Variants in DESI2 observed in about 807,000 individuals in gnomAD.
The protein encoded by DESI2 is deubiquitinase DESI2.
In DESI2, 10 loss-of-function variants were observed where a neutral mutation model predicts 24.1. That is an observed-to-expected ratio of 0.41 (90% CI 0.26 to 0.70). DESI2 has a LOEUF of 0.70. DESI2 is among the 30% of genes least tolerant of loss of function. The probability of loss-of-function intolerance (pLI) is 0.29; values close to 1 mark genes in which losing one functional copy is unlikely to be tolerated. For missense variants in DESI2, 122 were observed against 234.9 expected, an observed-to-expected ratio of 0.52 and a Z score of 3.14; for synonymous variants, 71 against 87.7, an observed-to-expected ratio of 0.81 and a Z score of 1.06.
chr1:244,699,982 G>A (rs921082560), intron 4 of DESI2, among the ~76,000 whole-genome samples: 5 of 152,170 alleles, frequency 3.3e-5, no homozygotes, highest in African/African-American at 7.2e-5. Context: ...ATCCACAGTC[G>A]TGAGGCTGAT....
chr1:244,659,734 C>T (rs1225486325), intron 1 of DESI2, among the ~76,000 whole-genome samples: 1 of 152,184 alleles, frequency 6.6e-6, no homozygotes, highest in Non-Finnish European at 1.5e-5. Context: ...ATTTCAATGA[C>T]ATCTGCAAAG....
chr1:244,701,521 G>T (rs61844166), intron 4 of DESI2, among the ~76,000 whole-genome samples: 1 of 152,144 alleles, frequency 6.6e-6, no homozygotes, highest in Non-Finnish European at 1.5e-5. Context: ...CGGAGAAAAA[G>T]GATGATTCAG....
At chr1:244,686,484 A>C (rs1676828569) in intron 1 of DESI2, 113 bp from the exon 2 acceptor site, 2 of 699,534 alleles carry the variant, frequency 2.9e-6, no homozygotes, top group South Asian at 3.3e-5. Flanking sequence ...GGACCACTGG[A>C]TCGTTATCAT....
rs1264937150 is a variant in DESI2, at chr1:244,688,502, G to A, written c.116-747G>A. On this transcript the variant is annotated intron_variant, in intron 2 of 4. Coordinates refer to ENST00000302550, the MANE Select transcript of DESI2 (RefSeq NM_016076.5). Reference sequence around the variant, plus strand: ...GATGAAGTTGATTTAAGCATGGTTTGGAATTCTTTAAATTTGTCTACTAAG... The same window carrying A: ...GATGAAGTTGATTTAAGCATGGTTTAGAATTCTTTAAATTTGTCTACTAAG... Among the ~76,000 whole-genome samples the A allele has an allele frequency of 2.6e-5, 4 of 152,154 alleles. No homozygotes were observed. The East Asian group carries it at 5.8e-4, about 22-fold the overall frequency.
At chr1:244,703,823 T>TA (rs1412909776) in intron 4 of DESI2, among the ~76,000 whole-genome samples, 4 of 152,084 alleles carry the variant, frequency 2.6e-5, no homozygotes, top group Non-Finnish European at 5.9e-5. Context: ...CACGCCTAGC[T>TA]AATTTTTTGT....
At chr1:244,665,960 A>T (rs1301163079) in intron 1 of DESI2, among the ~76,000 whole-genome samples, 1 of 152,130 alleles carries the variant, frequency 6.6e-6, no homozygotes, top group Non-Finnish European at 1.5e-5. Flanking sequence ...CACCATCTAC[A>T]CCGCGGCAGC....
intron 2 of DESI2, among the ~76,000 whole-genome samples, chr1:244,688,337 T>A (rs1340027299): frequency 6.6e-6 from 1 of 152,206 alleles, no homozygotes. Flanking sequence ...ACTTTAAAAA[T>A]TATGTTTCAA....
At chr1:244,702,652 GT>G (rs1472497413) in intron 4 of DESI2, among the ~76,000 whole-genome samples, 4 of 152,176 alleles carry the variant, frequency 2.6e-5, no homozygotes, top group Non-Finnish European at 5.9e-5. Context: ...AGCCTAAGAG[GT>G]ATAGGGGATA....
chr1:244,694,701 G>A (rs1021658550), intron 4 of DESI2: 13 of 726,526 alleles, frequency 1.8e-5, no homozygotes, highest in South Asian at 3.0e-5. Flanking sequence ...CTTTCCAAAC[G>A]ATGATGTTGC....
At chr1:244,698,568 T>C (rs1287329275) in intron 4 of DESI2, among the ~76,000 whole-genome samples, 1 of 152,238 alleles carries the variant, frequency 6.6e-6, no homozygotes, top group East Asian at 1.9e-4. Flanking sequence ...CTCTGGCATA[T>C]TTTGGAATCC....
chr1:244,658,336 A>G (rs945413555), intron 1 of DESI2, among the ~76,000 whole-genome samples: 11 of 152,212 alleles, frequency 7.2e-5, no homozygotes, highest in Admixed American at 3.3e-4. Context: ...CAAACAGGCT[A>G]TATCACATCC....
chr1:244,701,172 C>T (rs1052923493), intron 4 of DESI2, among the ~76,000 whole-genome samples: 1 of 132,298 alleles, frequency 7.6e-6, no homozygotes, highest in Non-Finnish European at 1.5e-5. Flanking sequence ...GGAAAGGATG[C>T]TACAGAGAAA....
In DESI2 at chr1:244,701,215, ACCCCCCCCCCCCCC is replaced by A. The variant is rs71587007; in HGVS notation, c.352-4335_352-4322del. ...GCATGACTGGACCACCTTCCCCTCC[ACCCCCCCCCCCCCC>A]CCCCCGCCCTTTTAACTGCTGAAGA... On this transcript the variant is annotated intron_variant, in intron 4 of 4. Transcript: ENST00000302550. Among the ~76,000 whole-genome samples the A allele has an allele frequency of 6.1e-4, 8 of 13,112 alleles. No individual in the cohort carries two copies. In the East Asian group the frequency reaches 0.033, roughly 55 times the overall value. The allele number at this position is 13,112 out of a possible 152,430, so 8.6% of individuals were successfully genotyped here. A position where few individuals can be genotyped will look rare whatever the true frequency, so the allele number is the denominator to read the frequency against.
chr1:244,664,294 T>C (rs1675966414), intron 1 of DESI2, among the ~76,000 whole-genome samples: 1 of 152,316 alleles, frequency 6.6e-6, no homozygotes, highest in Non-Finnish European at 1.5e-5. Context: ...GTGTTGTAAA[T>C]ATACTTAATT....
At chr1:244,688,711 G>GAT (rs1676908988) in intron 2 of DESI2, among the ~76,000 whole-genome samples, 4 of 151,980 alleles carry the variant, frequency 2.6e-5, no homozygotes, top group Non-Finnish European at 5.9e-5. Flanking sequence ...AGGGTGGATG[G>GAT]GTATGTGTGT....
intron 1 of DESI2, among the ~76,000 whole-genome samples, chr1:244,667,213 C>T (rs1676077472): frequency 6.6e-6 from 1 of 152,182 alleles, no homozygotes; most frequent in Non-Finnish European, 1.5e-5. Context: ...TCCAAAGTCT[C>T]ATCTGAGACA....
At chr1:244,693,196 C>T (rs1013946934) in intron 4 of DESI2, among the ~76,000 whole-genome samples, 11 of 152,142 alleles carry the variant, frequency 7.2e-5, no homozygotes, top group African/African-American at 2.7e-4. Flanking sequence ...CAGACTAGAC[C>T]GGACTTCTTA....
chr1:244,699,686 C>T (rs1345865568), intron 4 of DESI2, among the ~76,000 whole-genome samples: 1 of 147,138 alleles, frequency 6.8e-6, no homozygotes, highest in Non-Finnish European at 1.5e-5. Flanking sequence ...GAGTAGAGGA[C>T]AATTTTTTAA....
intron 4 of DESI2, among the ~76,000 whole-genome samples, chr1:244,698,107 T>C (rs1677291963): frequency 6.6e-6 from 1 of 152,214 alleles, no homozygotes; most frequent in Non-Finnish European, 1.5e-5. Context: ...ATTACATCTA[T>C]GGATATACGA....
Sources: allele counts gnomAD v4.1 joint callset (sites outside exome capture counted in the v4.1 genomes callset), GRCh38; gene constraint gnomAD v4.1.1; transcripts MANE v1.5; gene names NCBI Gene and HGNC (gene_info 2026-07-23, HGNC 2026-07-21).